Variants in TMEM131 observed in about 807,000 individuals in gnomAD.
TMEM131 encodes the protein 2610524E03Rik.
A neutral mutation model predicts 211.6 loss-of-function variants in TMEM131; 66 were observed. The ratio of observed to expected loss-of-function variants is 0.31; its 90% CI spans 0.26 to 0.38. The LOEUF is 0.38. TMEM131 is among the 10% of genes least tolerant of loss of function. The pLI, the probability that TMEM131 is intolerant of heterozygous loss-of-function variation, is 1.00. For synonymous variants in TMEM131, 844 were observed against 841.3 expected, an observed-to-expected ratio of 1.00 and a Z score of -0.06; for missense variants, 2,036 against 2,299.3, an observed-to-expected ratio of 0.89 and a Z score of 2.34.
intron 4 of TMEM131, among the ~76,000 whole-genome samples, chr2:97,865,962 A>C (rs1674253042): frequency 6.6e-6 from 1 of 152,166 alleles, no homozygotes; most frequent in African/African-American, 2.4e-5. Flanking sequence ...GGCTCACTGC[A>C]AGCTCCGCCT....
chr2:97,778,293 G>A (rs901425849), intron 31 of TMEM131, among the ~76,000 whole-genome samples: 34 of 152,228 alleles, frequency 2.2e-4, no homozygotes, highest in Admixed American at 6.5e-5. Flanking sequence ...GCTCAGGCCT[G>A]TAATCCCAGC....
intron 1 of TMEM131, among the ~76,000 whole-genome samples, chr2:97,974,618 T>G (rs543740696): frequency 1.3e-5 from 2 of 150,424 alleles, no homozygotes; most frequent in South Asian, 2.1e-4. Flanking sequence ...AAAAGACATG[T>G]TATATACAGA....
intron 2 of TMEM131, among the ~76,000 whole-genome samples, chr2:97,911,965 T>C (rs1410488065): frequency 1.3e-5 from 2 of 152,020 alleles, no homozygotes; most frequent in East Asian, 1.9e-4. Context: ...AAAAAGCAGA[T>C]GGAAAAGATT....
At chr2:97,894,052 TGTATAAG>T (rs1257566613) in intron 3 of TMEM131, among the ~76,000 whole-genome samples, 1 of 152,262 alleles carries the variant, frequency 6.6e-6, no homozygotes, top group African/African-American at 2.4e-5. Flanking sequence ...AGATAATTTT[TGTATAAG>T]GTATAACGAA....
chr2:97,757,855 C>CTGACTCTTTATAGAAAGTTTG, intron 40 of TMEM131, among the ~76,000 whole-genome samples: 1 of 152,358 alleles, frequency 6.6e-6, no homozygotes. Flanking sequence ...TAGTTACTAT[C>CTGACTCTTTATAGAAAGTTTG]TGACTCTTTA....
intron 24 of TMEM131, among the ~76,000 whole-genome samples, 182 bp downstream of exon 24, chr2:97,802,246 T>C (rs139370006): frequency 4.1e-4 from 63 of 152,360 alleles, no homozygotes; most frequent in African/African-American, 1.3e-3. Flanking sequence ...ATTGAAAGTT[T>C]TTCTGGATGC....
intron 2 of TMEM131, among the ~76,000 whole-genome samples, chr2:97,917,503 G>A (rs1188106933): frequency 1.3e-5 from 2 of 152,178 alleles, no homozygotes. Context: ...ATCTGCATTA[G>A]TCTGTTCTCA....
chr2:97,948,171 T>C (rs1261445942), intron 1 of TMEM131, among the ~76,000 whole-genome samples: 1 of 151,902 alleles, frequency 6.6e-6, no homozygotes, highest in African/African-American at 2.4e-5. Flanking sequence ...TCTTGAACTA[T>C]AAAAGAAAAA....
rs771911652 is a variant in TMEM131, at chr2:97,792,702, C to G, written c.3828G>C (p.Ala1276=). 15 of 1,613,908 alleles carry G rather than the reference C, an allele frequency of 9.3e-6. No individual in the cohort carries two copies. Among genetic ancestry groups the G allele is most frequent in the Non-Finnish European group, 1.3e-5 (15 of 1,179,886 alleles). The change falls in exon 31 of 41, where the codon GCG becomes GCC. Residue 1276 remains alanine (A), a synonymous_variant. Coordinates refer to ENST00000186436, the MANE Select transcript of TMEM131 (RefSeq NM_015348.2). ...DSNTVTQGHT[A]GRKSKGAKQS... ...GCTTTGCCCCTTTGGACTTTCTGCC[C>G]GCTGTATGACCTTGAGTCACTGTGT...
In TMEM131 at chr2:97,814,257, T is replaced by G. The variant is rs760118788; in HGVS notation, c.1424A>C (p.Glu475Ala). The G allele has an allele frequency of 4.3e-6, 7 of 1,613,610 alleles. No individual in the cohort carries two copies. The Admixed American group carries it at 5.0e-5, about 12-fold the overall frequency. ...AILIHDVLLP[E>A]EAKTMFKVHN... Reference sequence around the variant, plus strand: ...TACTTTAAACATTGTTTTGGCTTCTTCTGGTAGCAACACATCGTGAATGAG... The same window carrying G: ...TACTTTAAACATTGTTTTGGCTTCTGCTGGTAGCAACACATCGTGAATGAG... The change falls in exon 14 of 41, where the codon GAA becomes GCA. Residue 475 changes from glutamate to alanine, a missense_variant. Coordinates refer to ENST00000186436, the MANE Select transcript of TMEM131 (RefSeq NM_015348.2).
At chr2:97,872,004 A>C in intron 4 of TMEM131, among the ~76,000 whole-genome samples, 1 of 150,628 alleles carries the variant, frequency 6.6e-6, no homozygotes, top group Non-Finnish European at 1.5e-5. Flanking sequence ...GGATTGTTAC[A>C]AGGAGAGAAG....
intron 17 of TMEM131, 32 bp from the exon 18 acceptor site, chr2:97,811,264 G>A: frequency 1.3e-6 from 2 of 1,541,368 alleles, no homozygotes; most frequent in South Asian, 1.1e-5. Flanking sequence ...TCATTCATTA[G>A]CCTTGTTAGT....
intron 31 of TMEM131, among the ~76,000 whole-genome samples, chr2:97,782,835 A>G (rs28890545): frequency 6.6e-6 from 1 of 152,138 alleles, no homozygotes; most frequent in South Asian, 2.1e-4. Context: ...CCGTGTAATT[A>G]TAACAAAAGA....
intron 2 of TMEM131, among the ~76,000 whole-genome samples, chr2:97,916,641 TAACTGAAAA>T (rs1161523711): frequency 1.1e-4 from 17 of 152,100 alleles, no homozygotes; most frequent in African/African-American, 4.1e-4. Flanking sequence ...GAGAGAAAAA[TAACTGAAAA>T]AACAAAAAGC....
intron 1 of TMEM131, among the ~76,000 whole-genome samples, chr2:97,952,167 A>G (rs1444977833): frequency 1.3e-5 from 2 of 152,084 alleles, no homozygotes; most frequent in Non-Finnish European, 2.9e-5. Context: ...CAAAAAAAAA[A>G]AAAAGAATTG....
chr2:97,985,695 C>T (rs114176517), intron 1 of TMEM131, among the ~76,000 whole-genome samples: 1,818 of 150,792 alleles, frequency 0.012, 41 homozygotes, highest in African/African-American at 0.041. Context: ...AAAAAAAATA[C>T]CCTGGGAAAA....
At chr2:97,833,654 CTTT>C (rs11341582) in intron 10 of TMEM131, among the ~76,000 whole-genome samples, 22 of 143,760 alleles carry the variant, frequency 1.5e-4, no homozygotes, top group Non-Finnish European at 1.2e-4. Flanking sequence ...AAAATATATA[CTTT>C]TTTTTTTTTT....
intron 3 of TMEM131, among the ~76,000 whole-genome samples, chr2:97,892,763 CCTTTAA>C (rs1294589154): frequency 2.6e-5 from 4 of 152,160 alleles, no homozygotes; most frequent in Admixed American, 6.5e-5. Context: ...AAATTTTAAA[CCTTTAA>C]CTTTTAGACA....
intron 3 of TMEM131, among the ~76,000 whole-genome samples, chr2:97,891,727 A>G (rs1331346453): frequency 6.6e-6 from 1 of 152,132 alleles, no homozygotes; most frequent in Non-Finnish European, 1.5e-5. Context: ...TACCTAAACA[A>G]AAGATACTCT....
Sources: allele counts gnomAD v4.1 joint callset (sites outside exome capture counted in the v4.1 genomes callset), GRCh38; gene constraint gnomAD v4.1.1; transcripts MANE v1.5; gene names NCBI Gene and HGNC (gene_info 2026-07-23, HGNC 2026-07-21).